The following AKR1E2 variants were observed in gnomAD, a reference collection of about 807,000 sequenced individuals.
AKR1E2 encodes 1,5-anhydro-D-fructose reductase.
Under a neutral mutation model 41.9 loss-of-function variants are expected in AKR1E2, and 43 were observed. The observed-to-expected ratio is 1.03, with a 90% CI of 0.80 to 1.32. The LOEUF (loss-of-function observed/expected upper bound fraction) is 1.32. Among genes scored for constraint, AKR1E2 ranks in the 40% most tolerant of loss-of-function variants. The probability of loss-of-function intolerance (pLI) is 0.00; values close to 1 mark genes in which losing one functional copy is unlikely to be tolerated. For synonymous variants in AKR1E2, 121 were observed against 138.9 expected, an observed-to-expected ratio of 0.87 and a Z score of 0.91; for missense variants, 423 against 396.5, an observed-to-expected ratio of 1.07 and a Z score of -0.57.
chr10:4,835,410 C>T lies in AKR1E2; in HGVS notation c.325-265C>T, dbSNP rs1173802934. Among the ~76,000 whole-genome samples the T allele has an allele frequency of 2.0e-5, 3 of 152,282 alleles. No individual in the cohort carries two copies. In the East Asian group the frequency reaches 5.8e-4, roughly 29 times the overall value. On this transcript the variant is annotated intron_variant, in intron 3 of 9. Coordinates refer to ENST00000298375, the MANE Select transcript of AKR1E2 (RefSeq NM_001040177.3). ...TTCTGGAGGCAATGGGAGAGGACAA[C>T]CTTGCATCAGTAAGGATACAGGGTC...
chr10:4,837,595 A>C lies in AKR1E2; in HGVS notation c.582+14A>C, dbSNP rs912756756. ...CTAACCAACCAGGTAAGCCGATGGA[A>C]GCATCAGAGAGTTTAACCTGTGTGG... On this transcript the variant is annotated intron_variant, in intron 5 of 9. Coordinates refer to ENST00000298375, the MANE Select transcript of AKR1E2 (RefSeq NM_001040177.3). The C allele has an allele frequency of 1.9e-6, 3 of 1,610,330 alleles. No homozygotes were observed. Among genetic ancestry groups the C allele is most frequent in the Non-Finnish European group, 2.5e-6 (3 of 1,177,272 alleles).
chr10:4,871,396 T>G, the AKR1E2 span, among the ~76,000 whole-genome samples: 1 of 152,158 alleles, frequency 6.6e-6, no homozygotes, highest in South Asian at 2.1e-4. Context: ...AACCTGGACA[T>G]TTTGGGTGTT....
At chr10:4,836,885 A>C (rs935276760) in intron 4 of AKR1E2, among the ~76,000 whole-genome samples, 13 of 152,164 alleles carry the variant, frequency 8.5e-5, no homozygotes, top group Non-Finnish European at 1.8e-4. Context: ...GCACGAAGCT[A>C]TGCTCTTCCT....
chr10:4,825,341 C>T (rs975992853), upstream of AKR1E2, among the ~76,000 whole-genome samples: 2 of 152,106 alleles, frequency 1.3e-5, no homozygotes, highest in African/African-American at 4.8e-5. Flanking sequence ...CTGAGGGGGG[C>T]AATGAAGGGG....
At chr10:4,863,089 T>C in the AKR1E2 span, among the ~76,000 whole-genome samples, 1 of 152,168 alleles carries the variant, frequency 6.6e-6, no homozygotes, top group Non-Finnish European at 1.5e-5. Context: ...GGAATTGAAC[T>C]CAGCTCTGCA....
chr10:4,858,434 G>A, the AKR1E2 span, among the ~76,000 whole-genome samples: 1 of 152,174 alleles, frequency 6.6e-6, no homozygotes, highest in South Asian at 2.1e-4. Flanking sequence ...TAGATGAATT[G>A]TCTTTGGTCT....
Position 4,833,335 on chromosome 10 carries a change from C to T in AKR1E2, c.208-15C>T. 6.2e-7 allele frequency: 1 copy of T among 1,607,640 alleles called. No individual in the cohort carries two copies. The highest frequency in any genetic ancestry group is 8.5e-7 in the Non-Finnish European group (1 of 1,174,214). Reference sequence around the variant, plus strand: ...TGGGTGGGCACGTGTGACGCTGGTCCCCTCTCCTTTGTAGCTGTGGTGCAC... The same window carrying T: ...TGGGTGGGCACGTGTGACGCTGGTCTCCTCTCCTTTGTAGCTGTGGTGCAC... On this transcript the variant is annotated splice_polypyrimidine_tract_variant and intron_variant, in intron 2 of 9. Coordinates refer to ENST00000298375, the MANE Select transcript of AKR1E2 (RefSeq NM_001040177.3).
intron 8 of AKR1E2, among the ~76,000 whole-genome samples, chr10:4,843,973 G>A (rs893867771): frequency 3.9e-5 from 6 of 152,212 alleles, no homozygotes; most frequent in African/African-American, 1.4e-4. Flanking sequence ...CTCTTGGAAC[G>A]AGACTGCAGG....
At chr10:4,872,848 T>C in the AKR1E2 span, among the ~76,000 whole-genome samples, 371 of 152,268 alleles carry the variant, frequency 2.4e-3, no homozygotes, top group African/African-American at 8.3e-3. Context: ...GAAAGGCTCT[T>C]CTAGGACGAG....
chr10:4,825,070 T>C (rs925202029), upstream of AKR1E2: 2 of 452,946 alleles, frequency 4.4e-6, no homozygotes, highest in Non-Finnish European at 8.9e-6. Flanking sequence ...TCTGAATGAA[T>C]AAATGAGAGT....
At chr10:4,839,641 G>A in intron 5 of AKR1E2, 88 bp from the exon 6 acceptor site, 1 of 1,261,432 alleles carries the variant, frequency 7.9e-7, no homozygotes, top group Non-Finnish European at 1.2e-6. Flanking sequence ...CTCGGTGACA[G>A]CCAAGACTTT....
Position 4,842,431 on chromosome 10 carries a change from G to T in AKR1E2, c.764G>T (p.Arg255Leu), listed in dbSNP as rs143113841. 3.3e-5 allele frequency: 54 copies of T among 1,613,848 alleles called. No homozygotes were observed. Among genetic ancestry groups the T allele is most frequent in the Non-Finnish European group, 4.6e-5 (54 of 1,179,900 alleles). Reference protein sequence around the residue: ...HGKSPAQILIRFQIQRNVIVI... With the variant: ...HGKSPAQILILFQIQRNVIVI... ...TTTGTTTCCTTGCAGATTTTGATCC[G>T]ATTTCAAATCCAGAGGAATGTGATA... The change falls in exon 8 of 10, where the codon CGA (arginine) becomes CTA (leucine). Residue 255 changes from arginine to leucine, a missense_variant. By Grantham distance (102) the Arg-to-Leu change is moderately radical (BLOSUM62 -2). Coordinates refer to ENST00000298375, the MANE Select transcript of AKR1E2 (RefSeq NM_001040177.3).
At chr10:4,842,871 G>A (rs745771866) in intron 8 of AKR1E2, among the ~76,000 whole-genome samples, 2 of 152,184 alleles carry the variant, frequency 1.3e-5, no homozygotes, top group Admixed American at 6.5e-5. Context: ...CAGGAGAAAG[G>A]GGAGGCAGTT....
the AKR1E2 span, among the ~76,000 whole-genome samples, chr10:4,864,581 A>G: frequency 7.0e-6 from 1 of 143,086 alleles, no homozygotes; most frequent in South Asian, 2.2e-4. Context: ...CACCACTCCT[A>G]TTCAACAGTG....
chr10:4,828,250 G>C (rs12571691), intron 1 of AKR1E2, among the ~76,000 whole-genome samples: 1 of 152,138 alleles, frequency 6.6e-6, no homozygotes, highest in Non-Finnish European at 1.5e-5. Context: ...ACTTGGCTCC[G>C]CACATCTCCT....
At chr10:4,839,419 G>A (rs115387046) in intron 5 of AKR1E2, among the ~76,000 whole-genome samples, 20 of 152,046 alleles carry the variant, frequency 1.3e-4, no homozygotes, top group African/African-American at 3.1e-4. Context: ...AATAAAGGCC[G>A]GGGGAGATGA....
chr10:4,848,497 G>A (rs185944160), downstream of AKR1E2, among the ~76,000 whole-genome samples: 164 of 152,218 alleles, frequency 1.1e-3, no homozygotes, highest in African/African-American at 3.6e-3. Flanking sequence ...GATTCATACC[G>A]GATCTCCAGG....
chr10:4,825,923 T>A (rs1277935916), upstream of AKR1E2, among the ~76,000 whole-genome samples: 1 of 152,000 alleles, frequency 6.6e-6, no homozygotes. Context: ...AGGTCACACC[T>A]AAGGTGGGGG....
At chr10:4,836,606 C>T (rs778224650) in intron 4 of AKR1E2, among the ~76,000 whole-genome samples, 2 of 152,150 alleles carry the variant, frequency 1.3e-5, no homozygotes, top group Non-Finnish European at 2.9e-5. Context: ...CAGAGGGAAC[C>T]CTCGGACAGG....
Sources: allele counts gnomAD v4.1 joint callset (sites outside exome capture counted in the v4.1 genomes callset), GRCh38; gene constraint gnomAD v4.1.1; transcripts MANE v1.5; gene names NCBI Gene and HGNC (gene_info 2026-07-23, HGNC 2026-07-21).